Variants in SNX20 observed in about 807,000 individuals in gnomAD.
The protein encoded by SNX20 is sorting nexin-20.
SNX20 carries 21 observed loss-of-function variants against 24.5 expected under a neutral mutation model. The observed-to-expected ratio is 0.86, with a 90% CI of 0.61 to 1.23. SNX20 has a LOEUF of 1.23. Among genes scored for constraint, SNX20 ranks in the 50% most tolerant of loss-of-function variants. The pLI, the probability that SNX20 is intolerant of heterozygous loss-of-function variation, is 0.00. For synonymous variants in SNX20, 206 were observed against 192.8 expected (o/e 1.07, Z -0.57); for missense variants, 433 against 430.8 (o/e 1.00, Z -0.04).
At chr16:50,669,562 G>A (rs1962994652), downstream of SNX20, 1 of 163,512 alleles carries the variant, frequency 6.1e-6, no homozygotes, top group Admixed American at 6.2e-5. Flanking sequence ...CATGAGATTT[G>A]GAGGTGACCA....
chr16:50,669,092 C>G (rs1354597047), downstream of SNX20: 5 of 1,546,236 alleles, frequency 3.2e-6, no homozygotes, highest in East Asian at 4.9e-5. Flanking sequence ...CTGGTGCTGT[C>G]CCTGTCTCGC....
At chr16:50,667,881 G>T, downstream of SNX20, 1 of 899,342 alleles carries the variant, frequency 1.1e-6, no homozygotes, top group Non-Finnish European at 1.7e-6. Context: ...GGGGACTTTT[G>T]GAGGGGAGGG....
chr16:50,675,716 GCCA>G lies in SNX20; in HGVS notation c.282+51_282+53del, dbSNP rs1294675688. 3 of 1,603,162 alleles carry G rather than the reference GCCA, an allele frequency of 1.9e-6. No individual in the cohort carries two copies. The African/African-American group carries it at 4.0e-5, about 22-fold the overall frequency. On this transcript the variant is annotated intron_variant, in intron 3 of 3. Transcript: ENST00000330943. Reference sequence around the variant, plus strand: ...TGAGGCTCTACAAGACTTATTCAGGGCCAGGAAGGAAGCAGAGTGAAAGAGGCT... The same window carrying G: ...TGAGGCTCTACAAGACTTATTCAGGGGGAAGGAAGCAGAGTGAAAGAGGCT...
chr16:50,673,467 C>T lies in SNX20; in HGVS notation c.890G>A (p.Arg297Gln), dbSNP rs751339391. 2.5e-6 allele frequency: 4 copies of T among 1,602,486 alleles called. No individual in the cohort carries two copies. Among genetic ancestry groups the T allele is most frequent in the Non-Finnish European group, 3.4e-6 (4 of 1,175,384 alleles). ...GGTGATGCCTCGGGGCGTGGGCCTC[C>T]GGAGCTGGCTCTCCTCCAGCCTCTC... Reference protein sequence around the residue: ...LQERLEESQLRRPTPRGITLK... With the variant: ...LQERLEESQLQRPTPRGITLK... The change falls in exon 4 of 4, where the codon CGG becomes CAG. Residue 297 changes from arginine to glutamine, a missense_variant. Coordinates refer to ENST00000330943, the MANE Select transcript of SNX20 (RefSeq NM_182854.4). The surrounding 1 kb of genome is among the most constrained non-coding windows in gnomAD (Gnocchi z 4.1).
intron 1 of SNX20, among the ~76,000 whole-genome samples, chr16:50,680,983 C>T (rs1229060550): frequency 6.6e-6 from 1 of 152,228 alleles, no homozygotes; most frequent in Admixed American, 6.5e-5. Context: ...AAGCGCCTAG[C>T]ATTTCAAAAG....
chr16:50,679,714 G>A (rs1026111776), intron 1 of SNX20, among the ~76,000 whole-genome samples: 2 of 152,190 alleles, frequency 1.3e-5, no homozygotes, highest in Non-Finnish European at 2.9e-5. Flanking sequence ...TACAAGCCCC[G>A]TCCTGTTGAT....
At chr16:50,675,605 C>A (rs1963162091) in intron 3 of SNX20, among the ~76,000 whole-genome samples, 165 bp downstream of exon 3, 1 of 152,164 alleles carries the variant, frequency 6.6e-6, no homozygotes, top group Non-Finnish European at 1.5e-5. Context: ...CTAGCAGGTG[C>A]TGAGCCTGAA....
downstream of SNX20, chr16:50,670,318 C>T (rs1963014563): frequency 6.6e-6 from 1 of 152,216 alleles, no homozygotes; most frequent in South Asian, 2.1e-4. Flanking sequence ...GCTTCTCAAC[C>T]TTTGAGGTAT....
intron 1 of SNX20, 39 bp from the exon 2 acceptor site, chr16:50,677,574 G>A: frequency 6.8e-7 from 1 of 1,461,700 alleles, no homozygotes; most frequent in South Asian, 1.4e-5. Context: ...ACCCACTCCA[G>A]TTGGGGTTCC....
At chr16:50,677,319 C>A in intron 2 of SNX20, 78 bp downstream of exon 2, 1 of 1,433,234 alleles carries the variant, frequency 7.0e-7, no homozygotes, top group South Asian at 1.5e-5. Context: ...CTTGCTGCAT[C>A]CCCCAAAGTG....
exon 4 of SNX20, chr16:50,666,503 G>C (rs945693949): frequency 6.6e-6 from 1 of 152,186 alleles, no homozygotes; most frequent in African/African-American, 2.4e-5. Context: ...CAACATTGTG[G>C]GGTGGTTAAA....
chr16:50,669,064 G>A (rs1419067821), downstream of SNX20: 1 of 1,551,808 alleles, frequency 6.4e-7, no homozygotes, highest in East Asian at 2.4e-5. Context: ...CTTTGACGTG[G>A]ACATCTCGGG....
chr16:50,674,234 TTTA>T (rs1215751749), intron 3 of SNX20, among the ~76,000 whole-genome samples, 160 bp from the exon 4 acceptor site: 1 of 117,758 alleles, frequency 8.5e-6, no homozygotes, highest in Non-Finnish European at 1.6e-5. Context: ...TGTTTGTTTA[TTTA>T]TTTATTTATT....
At chr16:50,666,578 T>C (rs1596784980) in exon 4 of SNX20, 1 of 152,376 alleles carries the variant, frequency 6.6e-6, no homozygotes, top group South Asian at 2.1e-4. Context: ...GAATATTGTA[T>C]ATTATAGGGA....
chr16:50,676,044 C>T (rs926064458), intron 2 of SNX20, 123 bp from the exon 3 acceptor site: 3 of 1,075,218 alleles, frequency 2.8e-6, no homozygotes, highest in Non-Finnish European at 3.8e-6. Context: ...ATTGAATATC[C>T]CTCTCTCCCA....
intron 3 of SNX20, 142 bp from the exon 4 acceptor site, chr16:50,674,216 TG>T: frequency 1.1e-6 from 1 of 893,994 alleles, no homozygotes; most frequent in Non-Finnish European, 1.5e-6. Flanking sequence ...TTTGTTTGTT[TG>T]TTTGTTTGTT....
chr16:50,671,453 A>T (rs1028401568), downstream of SNX20: 2 of 152,144 alleles, frequency 1.3e-5, no homozygotes, highest in African/African-American at 4.8e-5. Context: ...CAACAGGCTT[A>T]TTTGGTGTTA....
At chr16:50,670,821 C>CATGGAT (rs1963031314), downstream of SNX20, 2 of 152,194 alleles carry the variant, frequency 1.3e-5, no homozygotes, top group Admixed American at 6.5e-5. Context: ...AAGAAACTCC[C>CATGGAT]GTGGATGCTC....
rs1963052846 is a variant in SNX20, at chr16:50,671,646, G to A, written c.*1760C>T. On this transcript the variant is annotated 3_prime_UTR_variant, in exon 4 of 4. Coordinates refer to ENST00000330943, the MANE Select transcript of SNX20 (RefSeq NM_182854.4). ...ATCATCTGTTTCATCATTACAAATA[G>A]ACTCATAGCTCTTTAATTTTTCCAT... 1 of 152,134 alleles carries A rather than the reference G, an allele frequency of 6.6e-6. No homozygotes were observed. The highest frequency in any genetic ancestry group is 6.5e-5 in the Admixed American group (1 of 15,272). The allele number at this position is 152,134 out of a possible 1,614,324, so 9.4% of individuals were successfully genotyped here. A position where few individuals can be genotyped will look rare whatever the true frequency, so the allele number is the denominator to read the frequency against.
Sources: gnomAD v4.1 joint callset for allele counts (sites outside exome capture counted in the v4.1 genomes callset) on GRCh38, gnomAD v4.1.1 for gene constraint, Gnocchi (gnomAD v3.1) non-coding constraint, MANE v1.5 for transcripts, NCBI Gene and HGNC (gene_info 2026-07-23, HGNC 2026-07-21) for gene names.